Variants in UNC13C observed in about 807,000 individuals in gnomAD.
UNC13C encodes protein unc-13 homolog C.
Under a neutral mutation model 245.4 loss-of-function variants are expected in UNC13C, and 174 were observed. That is an observed-to-expected ratio of 0.71 (90% CI 0.63 to 0.80). UNC13C has a LOEUF of 0.80. UNC13C is among the 30% of genes least tolerant of loss of function. The pLI, the probability that UNC13C is intolerant of heterozygous loss-of-function variation, is 0.00. For missense variants in UNC13C, 2,829 were observed against 2,602.9 expected, an observed-to-expected ratio of 1.09 and a Z score of -1.89; for synonymous variants, 992 against 895.1, an observed-to-expected ratio of 1.11 and a Z score of -1.93.
chr15:54,203,629 T>G (rs1042443174), intron 4 of UNC13C, among the ~76,000 whole-genome samples: 9 of 148,860 alleles, frequency 6.0e-5, no homozygotes, highest in Non-Finnish European at 1.2e-4. Flanking sequence ...GTGTGTATTT[T>G]ATAAAATGGA....
intron 2 of UNC13C, among the ~76,000 whole-genome samples, chr15:54,036,615 G>A (rs1896586867): frequency 6.6e-6 from 1 of 152,156 alleles, no homozygotes; most frequent in South Asian, 2.1e-4. Context: ...GTAACTTTCT[G>A]CTTTGGCCTG....
the UNC13C span, chr15:53,968,261 A>G: frequency 6.6e-6 from 1 of 152,086 alleles, no homozygotes. Flanking sequence ...TCCCTAGGCA[A>G]CCCCCGTGGG....
Position 54,014,071 on chromosome 15 carries a change from G to A in UNC13C, c.1168G>A (p.Val390Ile). The A allele has an allele frequency of 1.2e-6, 2 of 1,613,720 alleles. No individual in the cohort carries two copies. Among genetic ancestry groups the A allele is most frequent in the South Asian group, 2.2e-5 (2 of 91,066 alleles). ...YFETPQQRDS[V>I]LKKSYKLKGT... is the part of the protein sequence containing the mutation. ...TGAAACCCCTCAACAAAGGGATTCT[G>A]TCTTAAAAAAGTCATATAAACTCAA... Residue 390 changes from valine (V) to isoleucine (I), a missense_variant, in exon 2 of 33, where the codon GTC becomes ATC. Physicochemically the swap from Val to Ile is conservative, Grantham distance 29. Transcript: ENST00000260323.
chr15:54,373,689 C>G (rs918704261), intron 17 of UNC13C, among the ~76,000 whole-genome samples: 1 of 152,166 alleles, frequency 6.6e-6, no homozygotes, highest in Non-Finnish European at 1.5e-5. Flanking sequence ...TCTGGGTTCC[C>G]CGAAGGGCTG....
rs534160476 is a variant in UNC13C at position 54,175,270 on chromosome 15, T to C, written c.3071+31586T>C. The stretch of plus-strand genomic sequence containing the variant: ...ATTATTTTCTTAATACCCAGACCGA[T>C]GTTTGATACTTTAAACCCTGGCCAA... On this transcript the variant is annotated intron_variant, in intron 4 of 32. Coordinates refer to ENST00000260323, the MANE Select transcript of UNC13C (RefSeq NM_001080534.3). Among the ~76,000 whole-genome samples, 5 of 152,242 alleles carry C rather than the reference T, an allele frequency of 3.3e-5. No homozygotes were observed. In the East Asian group the frequency reaches 9.7e-4, roughly 29 times the overall value.
Position 54,627,213 on chromosome 15 carries a change from C to G in UNC13C, c.*100C>G, listed in dbSNP as rs1053864. 116,941 of 1,219,522 alleles carry G rather than the reference C, an allele frequency of 0.096. 5,789 individuals carry two copies. Among genetic ancestry groups the G allele is most frequent in the Non-Finnish European group, 0.1 (90,602 of 892,564 alleles). 75.5% of individuals were successfully genotyped at this position (1,219,522 alleles called of 1,614,324 possible). ...TTAGTTCACTACATTTCAATGTTTG[C>G]CAGTACTCATGTACGATGTCTACAA... On this transcript the variant is annotated 3_prime_UTR_variant, in exon 33 of 33. Transcript: ENST00000260323.
At chr15:53,889,717 T>A in the UNC13C span, among the ~76,000 whole-genome samples, 1 of 152,162 alleles carries the variant, frequency 6.6e-6, no homozygotes, top group African/African-American at 2.4e-5. Flanking sequence ...TATTATTTTG[T>A]GATACATTCC....
At chr15:54,500,704 G>A (rs922852404) in intron 21 of UNC13C, 131 bp from the exon 22 acceptor site, 4 of 708,502 alleles carry the variant, frequency 5.6e-6, no homozygotes, top group Non-Finnish European at 9.1e-6. Flanking sequence ...TTTAAAGTGG[G>A]TAAGCATTTT....
rs1466585031 is a variant in UNC13C, at chr15:54,627,920, TGTAA to T, written c.*812_*815del. 1 of 152,574 alleles carries T rather than the reference TGTAA, an allele frequency of 6.6e-6. No individual in the cohort carries two copies. The highest frequency in any genetic ancestry group is 1.5e-5 in the Non-Finnish European group (1 of 68,002). 9.5% of individuals were successfully genotyped at this position (152,574 alleles called of 1,614,324 possible). A position where few individuals can be genotyped will look rare whatever the true frequency, so the allele number is the denominator to read the frequency against. ...GGATGGAAAGTTTACTGAAAATACC[TGTAA>T]GTAACTATATTGTTAATATCTTCCC... On this transcript the variant is annotated 3_prime_UTR_variant, in exon 33 of 33. Coordinates refer to ENST00000260323, the MANE Select transcript of UNC13C (RefSeq NM_001080534.3).
chr15:54,413,005 C>A (rs1221711107), intron 18 of UNC13C, among the ~76,000 whole-genome samples: 1 of 152,074 alleles, frequency 6.6e-6, no homozygotes, highest in Non-Finnish European at 1.5e-5. Context: ...TTGTCAAATA[C>A]CTTTTCAGCA....
intron 2 of UNC13C, among the ~76,000 whole-genome samples, chr15:54,103,868 C>T (rs1900292356): frequency 6.6e-6 from 1 of 152,214 alleles, no homozygotes; most frequent in Non-Finnish European, 1.5e-5. Context: ...CCTCAGCCTC[C>T]TGAGTAGCTG....
At chr15:53,907,983 A>C in the UNC13C span, among the ~76,000 whole-genome samples, 1 of 147,064 alleles carries the variant, frequency 6.8e-6, no homozygotes, top group Admixed American at 7.0e-5. Context: ...TAATATTTTA[A>C]ATACATGTAT....
chr15:54,419,076 C>A (rs2040581240), intron 19 of UNC13C, among the ~76,000 whole-genome samples: 1 of 152,068 alleles, frequency 6.6e-6, no homozygotes, highest in Non-Finnish European at 1.5e-5. Context: ...TATTTGGTTT[C>A]TAAATAACAG....
chr15:54,484,625 A>C (rs768277170), intron 19 of UNC13C, among the ~76,000 whole-genome samples: 1 of 152,208 alleles, frequency 6.6e-6, no homozygotes, highest in Non-Finnish European at 1.5e-5. Context: ...ACATGTTTTC[A>C]CTTTATCTTC....
At chr15:54,552,551 G>C (rs181757258) in intron 28 of UNC13C, among the ~76,000 whole-genome samples, 1 of 58,308 alleles carries the variant, frequency 1.7e-5, no homozygotes, top group Non-Finnish European at 3.1e-5. Context: ...ATATTATATT[G>C]TATATAATTA....
chr15:54,572,370 C>A (rs1229307903), intron 30 of UNC13C, among the ~76,000 whole-genome samples: 1 of 150,074 alleles, frequency 6.7e-6, no homozygotes, highest in African/African-American at 2.5e-5. Context: ...AAATAATAAG[C>A]ATAATCATTT....
intron 2 of UNC13C, among the ~76,000 whole-genome samples, chr15:54,075,449 CGGAGCTTGCAGTGAGCCG>C: frequency 6.9e-6 from 1 of 144,132 alleles, no homozygotes; most frequent in African/African-American, 2.6e-5. Context: ...TGCAGTGAGC[CGGAGCTTGCAGTGAGCCG>C]GAGCTTGCAG....
At chr15:54,125,340 G>A (rs1382455575) in intron 2 of UNC13C, among the ~76,000 whole-genome samples, 2 of 152,146 alleles carry the variant, frequency 1.3e-5, no homozygotes, top group Non-Finnish European at 2.9e-5. Context: ...GTGGGTGCCT[G>A]TAATTCCAGC....
chr15:54,462,945 G>T (rs1242474784), intron 19 of UNC13C, among the ~76,000 whole-genome samples: 1 of 152,090 alleles, frequency 6.6e-6, no homozygotes. Flanking sequence ...GAGAACTTTC[G>T]TGTCTAGCTA....
Sources: allele counts gnomAD v4.1 joint callset (sites outside exome capture counted in the v4.1 genomes callset), GRCh38; gene constraint gnomAD v4.1.1; transcripts MANE v1.5; gene names NCBI Gene and HGNC (gene_info 2026-07-23, HGNC 2026-07-21).